Variants in LCORL observed in about 807,000 individuals in gnomAD.
LCORL encodes ligand dependent nuclear receptor corepressor like.
A neutral mutation model predicts 141.8 loss-of-function variants in LCORL; 41 were observed. The observed-to-expected ratio is 0.29, with a 90% CI of 0.23 to 0.38. The LOEUF is 0.38. Ranked by LOEUF, LCORL falls within the 10% of genes least tolerant of loss-of-function variation. The pLI is 1.00. For missense variants in LCORL, 1,759 were observed against 2,035.0 expected, an observed-to-expected ratio of 0.86 and a Z score of 2.61; for synonymous variants, 618 against 694.1, an observed-to-expected ratio of 0.89 and a Z score of 1.72.
chr4:17,957,786 A>T (rs1388617825), intron 4 of LCORL, among the ~76,000 whole-genome samples: 1 of 152,010 alleles, frequency 6.6e-6, no homozygotes, highest in Non-Finnish European at 1.5e-5. Flanking sequence ...CAGTTATTTT[A>T]TGGCAATTAC....
chr4:17,911,616 A>T (rs935654492), intron 4 of LCORL: 3 of 409,610 alleles, frequency 7.3e-6, no homozygotes, highest in Non-Finnish European at 1.4e-5. Flanking sequence ...TTAAAAATGG[A>T]TAACTTGGTC....
At chr4:17,877,771 G>A in exon 7 of LCORL, 1 of 1,230,658 alleles carries the variant, frequency 8.1e-7, no homozygotes. Context: ...TTTGTAGAGT[G>A]AATGTTTGGT....
intron 5 of LCORL, among the ~76,000 whole-genome samples, chr4:17,902,496 C>T (rs1050968374): frequency 1.3e-5 from 2 of 152,130 alleles, no homozygotes; most frequent in Admixed American, 6.5e-5. Flanking sequence ...CGTTAGCGGA[C>T]ATAGAAATTT....
intron 4 of LCORL, among the ~76,000 whole-genome samples, chr4:17,916,048 T>C (rs1322009846): frequency 6.6e-6 from 1 of 152,188 alleles, no homozygotes; most frequent in African/African-American, 2.4e-5. Flanking sequence ...TCTGAGTTCC[T>C]TCCTCAGAAA....
chr4:17,881,466 C>CA, intron 6 of LCORL: 2 of 858,246 alleles, frequency 2.3e-6, no homozygotes, highest in Non-Finnish European at 2.8e-6. Flanking sequence ...TATAAACTAT[C>CA]AAAAAATATT....
chr4:18,004,083 A>G (rs149506687), intron 1 of LCORL, among the ~76,000 whole-genome samples: 1 of 152,368 alleles, frequency 6.6e-6, no homozygotes, highest in East Asian at 1.9e-4. Flanking sequence ...ACTCCATTCT[A>G]TAATTGCTTT....
exon 8 of LCORL, chr4:17,842,354 C>CA: frequency 6.2e-7 from 1 of 1,612,142 alleles, no homozygotes; most frequent in Non-Finnish European, 8.5e-7. Context: ...CAGGAGGTGT[C>CA]AGACTGCTGA....
chr4:17,980,323 C>A (rs144617213), intron 1 of LCORL, among the ~76,000 whole-genome samples: 3 of 152,296 alleles, frequency 2.0e-5, no homozygotes, highest in Middle Eastern at 3.4e-3. Flanking sequence ...TTGTCCCGCT[C>A]TGATCATCAC....
intron 1 of LCORL, among the ~76,000 whole-genome samples, chr4:17,974,460 G>A (rs1218134555): frequency 6.6e-6 from 1 of 152,038 alleles, no homozygotes; most frequent in African/African-American, 2.4e-5. Flanking sequence ...ATAAAGTTCA[G>A]TAACTTCTGA....
exon 7 of LCORL, chr4:17,876,607 A>G (rs1726950964): frequency 1.6e-6 from 2 of 1,230,384 alleles, no homozygotes; most frequent in Middle Eastern, 3.1e-4. Context: ...GCTTTAGGGG[A>G]TTTTTTAAAA....
Position 17,881,433 on chromosome 4 carries a change from A to G in LCORL, c.777-3220T>C, listed in dbSNP as rs998095022. ...TAATAGAAATGTTTTGTTTCTTTTAAAAGTTATGGGTTGATTATTACCTAT... is the reference window on the plus strand; with the variant it reads ...TAATAGAAATGTTTTGTTTCTTTTAGAAGTTATGGGTTGATTATTACCTAT... On this transcript the variant is annotated intron_variant, in intron 6 of 7. Transcript: ENST00000635767. The G allele has an allele frequency of 3.3e-5, 31 of 926,298 alleles. No homozygotes were observed. The East Asian group carries it at 1.2e-3, about 35-fold the overall frequency. 57.4% of individuals were successfully genotyped at this position (926,298 alleles called of 1,614,324 possible). A position where few individuals can be genotyped will look rare whatever the true frequency, so the allele number is the denominator to read the frequency against.
chr4:17,929,396 T>A (rs1735650365), intron 4 of LCORL, among the ~76,000 whole-genome samples: 1 of 152,084 alleles, frequency 6.6e-6, no homozygotes. Context: ...AATACAATAG[T>A]CAAGACTAGG....
chr4:17,883,729 C>T (rs1727907038), intron 6 of LCORL: 1 of 1,536,368 alleles, frequency 6.5e-7, no homozygotes, highest in African/African-American at 1.4e-5. Flanking sequence ...TCTACACAGG[C>T]TTGCTGCTGT....
intron 1 of LCORL, among the ~76,000 whole-genome samples, chr4:17,981,090 T>C (rs1717902286): frequency 6.6e-6 from 1 of 152,214 alleles, no homozygotes; most frequent in Non-Finnish European, 1.5e-5. Flanking sequence ...TATAAGTACA[T>C]AGTTACCCAT....
Position 17,927,228 on chromosome 4 carries a change from T to C in LCORL, c.431-17883A>G, listed in dbSNP as rs1735288632. On this transcript the variant is annotated intron_variant, in intron 4 of 7. Coordinates refer to ENST00000635767, the Ensembl canonical transcript of LCORL. ...TAGCTTCCAACTTCTCTCCTGAAGCTTCCTCTCAGCTGTCTCGGCCTCCAA... is the reference window on the plus strand; with the variant it reads ...TAGCTTCCAACTTCTCTCCTGAAGCCTCCTCTCAGCTGTCTCGGCCTCCAA... Among the ~76,000 whole-genome samples, 3 of 152,164 alleles carry C rather than the reference T, an allele frequency of 2.0e-5. No homozygotes were observed. The South Asian group carries it at 6.2e-4, about 32-fold the overall frequency.
At chr4:17,989,083 A>G (rs2109765839) in intron 1 of LCORL, among the ~76,000 whole-genome samples, 1 of 152,340 alleles carries the variant, frequency 6.6e-6, no homozygotes, top group Non-Finnish European at 1.5e-5. Flanking sequence ...ACTATCCACC[A>G]GCTTTAATAG....
intron 4 of LCORL, among the ~76,000 whole-genome samples, chr4:17,932,615 T>C (rs962545588): frequency 6.6e-6 from 1 of 152,208 alleles, no homozygotes; most frequent in African/African-American, 2.4e-5. Flanking sequence ...ATTTATTCAT[T>C]GCAAGAAATG....
intron 4 of LCORL, among the ~76,000 whole-genome samples, chr4:17,910,886 C>T (rs1310650126): frequency 1.3e-5 from 2 of 152,126 alleles, no homozygotes; most frequent in African/African-American, 4.8e-5. Flanking sequence ...AAAGAGGGAA[C>T]TATGGGCCTA....
chr4:17,874,163 T>C (rs1726672141), exon 7 of LCORL: 2 of 1,233,902 alleles, frequency 1.6e-6, no homozygotes, highest in South Asian at 8.2e-5. Context: ...GCTTTCCCTC[T>C]CTTTTCCACC....
Sources: gnomAD v4.1 joint callset for allele counts (sites outside exome capture counted in the v4.1 genomes callset) on GRCh38, gnomAD v4.1.1 for gene constraint, MANE v1.5 for transcripts, NCBI Gene and HGNC (gene_info 2026-07-23, HGNC 2026-07-21) for gene names.